The following MDH2 variants were observed in gnomAD, a reference collection of about 807,000 sequenced individuals.
The protein encoded by MDH2 is malate dehydrogenase 2.
A neutral mutation model predicts 33.6 loss-of-function variants in MDH2; 25 were observed. The observed-to-expected ratio is 0.74, with a 90% CI of 0.54 to 1.04. MDH2 has a LOEUF of 1.04. MDH2 is among the 50% of genes least tolerant of loss of function. MDH2 has a pLI of 0.00. For synonymous variants in MDH2, 193 were observed against 188.7 expected, an observed-to-expected ratio of 1.02 and a Z score of -0.19; for missense variants, 432 against 445.0, an observed-to-expected ratio of 0.97 and a Z score of 0.26.
At position 76,057,934 on chromosome 7, in the gene MDH2, T is replaced by G. The variant is rs373037394; in HGVS notation, c.320-35T>G. On this transcript the variant is annotated intron_variant, in intron 3 of 8. Coordinates refer to ENST00000315758, the MANE Select transcript of MDH2 (RefSeq NM_005918.4). ...GCTGCCTGTCTGGAAATTTGTGGTG[T>G]TCTCTGTTAACATCTCATATTGGAT... is the stretch of plus-strand genomic sequence containing the variant. The G allele has an allele frequency of 2.5e-6, 4 of 1,589,600 alleles. No individual in the cohort carries two copies. The African/African-American group carries it at 4.0e-5, about 16-fold the overall frequency.
At chr7:76,057,675 G>A (rs544540935) in intron 3 of MDH2, among the ~76,000 whole-genome samples, 182 bp downstream of exon 3, 3 of 152,214 alleles carry the variant, frequency 2.0e-5, no homozygotes, top group African/African-American at 7.2e-5. Flanking sequence ...TCGTCTTGCC[G>A]TTCCCCTGTG....
intron 1 of MDH2, among the ~76,000 whole-genome samples, chr7:76,052,785 A>C (rs1797664101): frequency 6.6e-6 from 1 of 152,016 alleles, no homozygotes; most frequent in South Asian, 2.1e-4. Flanking sequence ...ACTTAAGGTG[A>C]TCCACCTCGG....
Position 76,054,219 on chromosome 7 carries a change from T to C in MDH2, c.67-611T>C, listed in dbSNP as rs968871069. On this transcript the variant is annotated intron_variant, in intron 1 of 8. Coordinates refer to ENST00000315758, the MANE Select transcript of MDH2 (RefSeq NM_005918.4). ...GACTCACCAGGAGGGTTGGAGTCTTTCGCAACGTACGTAACCCCTTCCACC... is the reference window on the plus strand; with the variant it reads ...GACTCACCAGGAGGGTTGGAGTCTTCCGCAACGTACGTAACCCCTTCCACC... Among the ~76,000 whole-genome samples, 4 of 151,156 alleles carry C rather than the reference T, an allele frequency of 2.6e-5. No individual in the cohort carries two copies. The South Asian group carries it at 8.4e-4, about 32-fold the overall frequency.
At chr7:76,058,758 G>A (rs1360115931) in intron 4 of MDH2, among the ~76,000 whole-genome samples, 5 of 152,110 alleles carry the variant, frequency 3.3e-5, no homozygotes, top group African/African-American at 4.8e-5. Flanking sequence ...TTGCGCTTTG[G>A]GGCCATTGTA....
At chr7:76,060,533 T>C in intron 5 of MDH2, 35 bp downstream of exon 5, 3 of 1,609,254 alleles carry the variant, frequency 1.9e-6, no homozygotes, top group Non-Finnish European at 2.5e-6. Context: ...AGGTGACCTT[T>C]CTGAACTTCT....
At chr7:76,064,496 G>A in intron 7 of MDH2, 58 bp downstream of exon 7, 2 of 1,428,914 alleles carry the variant, frequency 1.4e-6, no homozygotes. Context: ...AGAGCTCAGG[G>A]TTGGGGAGAA....
Position 76,066,553 on chromosome 7 carries a change from C to CCCAAAT in MDH2, c.*143_*144insCCAAAT. 1 of 1,030,648 alleles carries CCCAAAT rather than the reference C, an allele frequency of 9.7e-7. No individual in the cohort carries two copies. The highest frequency in any genetic ancestry group is 1.3e-6 in the Non-Finnish European group (1 of 761,770). 63.8% of individuals were successfully genotyped at this position (1,030,648 alleles called of 1,614,324 possible). ...ATCATGCCTTCCAAATTGTGGGTGG[C>CCCAAAT]TCTGTGGGCGCATCAATAAAAGCCG... On this transcript the variant is annotated 3_prime_UTR_variant, in exon 9 of 9. Transcript: ENST00000315758.
chr7:76,063,594 T>A lies in MDH2; in HGVS notation c.633+2T>A. Reference sequence around the variant, plus strand: ...ACCATCATCCCCCTGATCTCTCAGGTACACGCATATGACCCTGTGAGGGGC... The same window carrying A: ...ACCATCATCCCCCTGATCTCTCAGGAACACGCATATGACCCTGTGAGGGGC... On this transcript the variant is annotated splice_donor_variant, in intron 6 of 8. Transcript: ENST00000315758. LOFTEE classifies it high-confidence loss of function. The A allele has an allele frequency of 6.2e-7, 1 of 1,613,772 alleles. No homozygotes were observed. The highest frequency in any genetic ancestry group is 8.5e-7 in the Non-Finnish European group (1 of 1,179,638).
At chr7:76,050,137 T>C (rs571060886) in intron 1 of MDH2, among the ~76,000 whole-genome samples, 1 of 152,272 alleles carries the variant, frequency 6.6e-6, no homozygotes, top group East Asian at 1.9e-4. Flanking sequence ...CAAGCTATCC[T>C]CCTGCCTCAT....
intron 5 of MDH2, among the ~76,000 whole-genome samples, chr7:76,062,761 A>T (rs184016351): frequency 6.6e-6 from 1 of 152,204 alleles, no homozygotes. Flanking sequence ...CAAAACATTT[A>T]AAAAACATAG....
In MDH2 at chr7:76,064,824, G is replaced by T. The variant is rs201168852; in HGVS notation, c.756G>T (p.Ala252=). 6.2e-7 allele frequency: 1 copy of T among 1,614,044 alleles called. No homozygotes were observed. The highest frequency in any genetic ancestry group is 8.5e-7 in the Non-Finnish European group (1 of 1,180,004). The change falls in exon 8 of 9, where the codon GCG becomes GCT. Residue 252 remains alanine (A), a synonymous_variant. Coordinates refer to ENST00000315758, the MANE Select transcript of MDH2 (RefSeq NM_005918.4). ...TAGGCTCTGCCACCCTCTCCATGGC[G>T]TATGCCGGCGCCCGCTTTGTCTTCT... ...AGAGSATLSM[A]YAGARFVFSL... is the part of the protein sequence containing the mutation.
chr7:76,048,597 C>G, intron 1 of MDH2: 1 of 1,300,474 alleles, frequency 7.7e-7, no homozygotes, highest in African/African-American at 1.5e-5. Context: ...TTTGACGTAG[C>G]TAATCTCCTT....
In MDH2 at chr7:76,066,170, C is replaced by G. The variant is rs987377959; in HGVS notation, c.886-109C>G. The G allele has an allele frequency of 8.7e-6, 12 of 1,385,552 alleles. No homozygotes were observed. In the East Asian group the frequency reaches 2.8e-4, roughly 33 times the overall value. The allele number at this position is 1,385,552 out of a possible 1,614,324, so 85.8% of individuals were successfully genotyped here. A position where few individuals can be genotyped will look rare whatever the true frequency, so the allele number is the denominator to read the frequency against. ...CGTCCCCAGCAAGGCACCCAGAACC[C>G]GCATGTGTAGAGAGACTCCTCGGCA... On this transcript the variant is annotated intron_variant, in intron 8 of 8. Transcript: ENST00000315758.
intron 1 of MDH2, among the ~76,000 whole-genome samples, chr7:76,053,962 C>T (rs1245665622): frequency 1.3e-5 from 2 of 152,208 alleles, no homozygotes; most frequent in African/African-American, 4.8e-5. Context: ...TGCCCAGGGC[C>T]AGCTGCTACT....
At chr7:76,062,099 C>G (rs1563551375) in intron 5 of MDH2, among the ~76,000 whole-genome samples, 1 of 152,170 alleles carries the variant, frequency 6.6e-6, no homozygotes, top group Non-Finnish European at 1.5e-5. Flanking sequence ...CTGTCATTAC[C>G]CCTGGCTGCC....
chr7:76,054,921 T>G lies in MDH2; in HGVS notation c.158T>G (p.Leu53Arg). 1 of 1,614,178 alleles carries G rather than the reference T, an allele frequency of 6.2e-7. No homozygotes were observed. Among genetic ancestry groups the G allele is most frequent in the African/African-American group, 1.3e-5 (1 of 75,046 alleles). ...LLKNSPLVSRLTLYDIAHTPG... is the reference protein window; with the variant it reads ...LLKNSPLVSRRTLYDIAHTPG... The stretch of plus-strand genomic sequence containing the variant: ...AAGAACAGCCCCTTGGTGAGCCGCC[T>G]GACCCTCTATGATATCGCGCACACA... Residue 53 changes from leucine to arginine, a missense_variant, in exon 2 of 9, where the codon CTG (leucine) becomes CGG (arginine). Transcript: ENST00000315758.
intron 5 of MDH2, among the ~76,000 whole-genome samples, chr7:76,061,215 G>T (rs1262055372): frequency 6.6e-6 from 1 of 152,156 alleles, no homozygotes; most frequent in Non-Finnish European, 1.5e-5. Flanking sequence ...TGAGCTTCAG[G>T]CCTTTTTGTT....
intron 8 of MDH2, chr7:76,065,280 G>T (rs566364852): frequency 2.7e-4 from 64 of 234,062 alleles, no homozygotes; most frequent in African/African-American, 1.3e-3. Context: ...CCTCCCTGTC[G>T]CTCCTTGTTC....
intron 4 of MDH2, among the ~76,000 whole-genome samples, chr7:76,058,841 TA>T (rs1797863163): frequency 6.6e-6 from 1 of 152,206 alleles, no homozygotes; most frequent in African/African-American, 2.4e-5. Context: ...AAATGGCTCC[TA>T]AGTGACTCAG....
Sources: allele counts gnomAD v4.1 joint callset (sites outside exome capture counted in the v4.1 genomes callset), GRCh38; gene constraint gnomAD v4.1.1; transcripts MANE v1.5; gene names NCBI Gene and HGNC (gene_info 2026-07-23, HGNC 2026-07-21).